Variants in DUSP19 observed in about 807,000 individuals in gnomAD.
DUSP19 encodes the protein dual specificity protein phosphatase 19.
Under a neutral mutation model 16.6 loss-of-function variants are expected in DUSP19, and 14 were observed. That is an observed-to-expected ratio of 0.84 (90% CI 0.56 to 1.32). The LOEUF is 1.32. DUSP19 is among the 40% of genes most tolerant of loss of function. DUSP19 has a pLI of 0.00. For synonymous variants in DUSP19, 81 were observed against 90.5 expected (o/e 0.90, Z 0.59); for missense variants, 258 against 255.9 (o/e 1.01, Z -0.06).
intron 3 of DUSP19, 22 bp downstream of exon 3, chr2:183,087,214 A>G: frequency 6.3e-7 from 1 of 1,595,602 alleles, no homozygotes; most frequent in Middle Eastern, 1.7e-4. Context: ...TTTGATCCAT[A>G]GTTCTGCAGA....
At chr2:183,085,320 G>T (rs1484213543) in intron 2 of DUSP19, among the ~76,000 whole-genome samples, 3 of 152,156 alleles carry the variant, frequency 2.0e-5, no homozygotes, top group Admixed American at 1.3e-4. Context: ...AGAAGAGTCC[G>T]CAGTGGGAAA....
chr2:183,079,691 C>T (rs759152565), intron 1 of DUSP19, among the ~76,000 whole-genome samples: 1 of 152,102 alleles, frequency 6.6e-6, no homozygotes, highest in Non-Finnish European at 1.5e-5. Context: ...ATCTTAAGAT[C>T]TTATGATTTA....
chr2:183,094,911 T>C (rs1186978697), intron 3 of DUSP19, among the ~76,000 whole-genome samples: 1 of 152,212 alleles, frequency 6.6e-6, no homozygotes, highest in Non-Finnish European at 1.5e-5. Flanking sequence ...TAGTTATGAT[T>C]TTATTTTATG....
chr2:183,084,339 A>G (rs1020581665), intron 2 of DUSP19, among the ~76,000 whole-genome samples: 1 of 151,880 alleles, frequency 6.6e-6, no homozygotes, highest in African/African-American at 2.4e-5. Context: ...AGGCAGGAGG[A>G]TTGGTTGACC....
At chr2:183,090,442 C>G (rs566658531) in intron 3 of DUSP19, among the ~76,000 whole-genome samples, 6 of 152,234 alleles carry the variant, frequency 3.9e-5, no homozygotes, top group African/African-American at 1.4e-4. Flanking sequence ...ATTTATTTGT[C>G]CCCTCTTTTT....
intron 3 of DUSP19, among the ~76,000 whole-genome samples, chr2:183,093,448 A>G (rs931781393): frequency 2.0e-5 from 3 of 152,318 alleles, no homozygotes; most frequent in Non-Finnish European, 2.9e-5. Flanking sequence ...AGCTGTACCA[A>G]GAAGAGCAAA....
intron 2 of DUSP19, among the ~76,000 whole-genome samples, chr2:183,085,483 G>C (rs972101374): frequency 6.6e-6 from 1 of 152,188 alleles, no homozygotes; most frequent in African/African-American, 2.4e-5. Context: ...ATGGGACTTG[G>C]TGACAGAGAG....
chr2:183,091,566 A>G (rs948513607), intron 3 of DUSP19, among the ~76,000 whole-genome samples: 1 of 152,232 alleles, frequency 6.6e-6, no homozygotes, highest in Non-Finnish European at 1.5e-5. Context: ...GCAGCCAACC[A>G]GAGGCTGAAG....
chr2:183,084,359 C>T (rs903023290), intron 2 of DUSP19, among the ~76,000 whole-genome samples: 2 of 151,104 alleles, frequency 1.3e-5, no homozygotes, highest in East Asian at 1.9e-4. Flanking sequence ...CCCAGGAGTT[C>T]GAGGTTACAG....
At chr2:183,083,608 T>C in intron 2 of DUSP19, 54 bp downstream of exon 2, 1 of 1,495,632 alleles carries the variant, frequency 6.7e-7, no homozygotes, top group African/African-American at 1.4e-5. Flanking sequence ...TTAATTGTTT[T>C]ATTTAGGAAA....
chr2:183,086,308 G>A (rs1699661116), intron 2 of DUSP19, among the ~76,000 whole-genome samples: 1 of 152,082 alleles, frequency 6.6e-6, no homozygotes, highest in South Asian at 2.1e-4. Context: ...GTATACCACT[G>A]ATACACTTCT....
intron 1 of DUSP19, among the ~76,000 whole-genome samples, chr2:183,079,744 C>G (rs1699568560): frequency 6.6e-6 from 1 of 152,120 alleles, no homozygotes; most frequent in South Asian, 2.1e-4. Flanking sequence ...AAGCATAGTT[C>G]ACAAATAGCA....
chr2:183,091,839 G>A (rs1016369019), intron 3 of DUSP19, among the ~76,000 whole-genome samples: 9 of 152,230 alleles, frequency 5.9e-5, no homozygotes, highest in South Asian at 2.1e-4. Context: ...CTGGGAAATC[G>A]GAGTAAAACA....
intron 2 of DUSP19, among the ~76,000 whole-genome samples, chr2:183,085,595 A>T (rs1297853697): frequency 6.6e-6 from 1 of 152,040 alleles, no homozygotes; most frequent in Non-Finnish European, 1.5e-5. Flanking sequence ...GGGAAAAAAA[A>T]AAAGAGAGAG....
chr2:183,097,555 T>A lies in DUSP19; in HGVS notation c.*1897T>A, dbSNP rs951346582. On this transcript the variant is annotated 3_prime_UTR_variant, in exon 4 of 4. Coordinates refer to ENST00000354221, the MANE Select transcript of DUSP19 (RefSeq NM_080876.4). ...TTATGTTTTGAGATTGCTTACACCG[T>A]GACAAGATGCCATCACTTGTGATGT... The A allele has an allele frequency of 6.6e-6, 1 of 152,206 alleles. No individual in the cohort carries two copies. The highest frequency in any genetic ancestry group is 1.5e-5 in the Non-Finnish European group (1 of 68,036). The allele number at this position is 152,206 out of a possible 1,614,324, so 9.4% of individuals were successfully genotyped here. A position where few individuals can be genotyped will look rare whatever the true frequency, so the allele number is the denominator to read the frequency against.
At chr2:183,079,845 T>G (rs1388937360) in intron 1 of DUSP19, among the ~76,000 whole-genome samples, 1 of 152,240 alleles carries the variant, frequency 6.6e-6, no homozygotes, top group African/African-American at 2.4e-5. Context: ...TGTTTTCAAG[T>G]ACGTCTGAAT....
At chr2:183,082,427 T>TC (rs1321056228) in intron 1 of DUSP19, among the ~76,000 whole-genome samples, 4 of 141,146 alleles carry the variant, frequency 2.8e-5, no homozygotes, top group Non-Finnish European at 6.2e-5. Flanking sequence ...TTCTTTTTTT[T>TC]TTTTTTTTTT....
chr2:183,095,348 C>G, intron 3 of DUSP19, 83 bp from the exon 4 acceptor site: 3 of 1,038,192 alleles, frequency 2.9e-6, no homozygotes, highest in Non-Finnish European at 4.2e-6. Context: ...TTTATACTTT[C>G]AAGTAGTATA....
In DUSP19 at chr2:183,085,961, G is replaced by A. The variant is rs999091203; in HGVS notation, c.274-1079G>A. On this transcript the variant is annotated intron_variant, in intron 2 of 3. Coordinates refer to ENST00000354221, the MANE Select transcript of DUSP19 (RefSeq NM_080876.4). ...GCTCACTGCAACCTTTACCTCCTGG[G>A]TTCAAGTGATTCTCAGCCTTTGGAT... 2.1e-5 allele frequency among the ~76,000 whole-genome samples: 3 copies of A among 143,954 alleles called. No homozygotes were observed. In the Admixed American group the frequency reaches 2.2e-4, roughly 11 times the overall value. 94.4% of individuals were successfully genotyped at this position (143,954 alleles called of 152,430 possible).
Sources: gnomAD v4.1 joint callset for allele counts (sites outside exome capture counted in the v4.1 genomes callset) on GRCh38, gnomAD v4.1.1 for gene constraint, MANE v1.5 for transcripts, NCBI Gene and HGNC (gene_info 2026-07-23, HGNC 2026-07-21) for gene names.